The following NRXN3 variants were observed in gnomAD, a reference collection of about 807,000 sequenced individuals.
The protein encoded by NRXN3 is neurexin III.
In NRXN3, 32 loss-of-function variants were observed where a neutral mutation model predicts 137.6. The observed-to-expected ratio is 0.23, with a 90% CI of 0.18 to 0.31. NRXN3 has a LOEUF of 0.31. NRXN3 is among the 10% of genes least tolerant of loss of function. NRXN3 has a pLI of 1.00. For synonymous variants in NRXN3, 798 were observed against 784.5 expected, an observed-to-expected ratio of 1.02 and a Z score of -0.29; for missense variants, 1,574 against 2,062.5, an observed-to-expected ratio of 0.76 and a Z score of 4.59.
intron 10 of NRXN3, among the ~76,000 whole-genome samples, chr14:78,885,594 T>C (rs1428352694): frequency 6.6e-6 from 1 of 152,146 alleles, no homozygotes; most frequent in East Asian, 1.9e-4. Context: ...ATTTGTATGA[T>C]GTCATCAGCA....
chr14:79,504,665 A>ATATATATATATC, intron 16 of NRXN3, among the ~76,000 whole-genome samples: 1 of 143,226 alleles, frequency 7.0e-6, no homozygotes, highest in South Asian at 2.2e-4. Context: ...GTATATATAT[A>ATATATATATATC]TATATATATA....
In NRXN3 at chr14:78,635,048, C is replaced by T. The variant is rs561433004; in HGVS notation, c.758-10072C>T. ...TGTTTTAGGATCAGAAAGCATTTGG[C>T]TCCTAAAATATCTGTAGGAAGTTTC... On this transcript the variant is annotated intron_variant, in intron 4 of 20. Coordinates refer to ENST00000335750, the MANE Select transcript of NRXN3 (RefSeq NM_001330195.2). Among the ~76,000 whole-genome samples the T allele has an allele frequency of 2.6e-5, 4 of 152,280 alleles. No homozygotes were observed. In the South Asian group the frequency reaches 8.3e-4, roughly 32 times the overall value.
intron 4 of NRXN3, among the ~76,000 whole-genome samples, chr14:78,597,319 A>G (rs989301081): frequency 9.2e-5 from 14 of 152,242 alleles, no homozygotes; most frequent in Non-Finnish European, 1.3e-4. Flanking sequence ...TTAAGAGAAA[A>G]TATTTTCGTT....
chr14:78,909,876 CTATT>C (rs572922723), intron 10 of NRXN3, among the ~76,000 whole-genome samples: 67 of 152,152 alleles, frequency 4.4e-4, no homozygotes, highest in African/African-American at 1.5e-3. Flanking sequence ...GTTTATCTAT[CTATT>C]TATCTGTCAA....
At chr14:79,433,022 T>C (rs2153556178) in intron 15 of NRXN3, among the ~76,000 whole-genome samples, 1 of 152,318 alleles carries the variant, frequency 6.6e-6, no homozygotes, top group East Asian at 1.9e-4. Context: ...TTGTTACCTT[T>C]TGGTTTTCCC....
At chr14:79,690,219 T>A (rs1283321847) in intron 17 of NRXN3, among the ~76,000 whole-genome samples, 1 of 145,898 alleles carries the variant, frequency 6.9e-6, no homozygotes, top group Non-Finnish European at 1.5e-5. Flanking sequence ...TTCAAAAAGG[T>A]ACACGTTCTT....
intron 15 of NRXN3, among the ~76,000 whole-genome samples, chr14:79,160,583 C>T (rs951094568): frequency 1.3e-5 from 2 of 151,800 alleles, no homozygotes; most frequent in African/African-American, 4.8e-5. Context: ...TGCACATGTT[C>T]GTGTTGAGTA....
At chr14:79,140,073 A>T (rs1313495896) in intron 15 of NRXN3, among the ~76,000 whole-genome samples, 1 of 152,030 alleles carries the variant, frequency 6.6e-6, no homozygotes, top group African/African-American at 2.4e-5. Flanking sequence ...ATTTTTGAAG[A>T]CAATAAAATT....
intron 8 of NRXN3, among the ~76,000 whole-genome samples, chr14:78,724,822 A>T (rs888357449): frequency 3.9e-5 from 6 of 152,162 alleles, no homozygotes; most frequent in African/African-American, 1.4e-4. Flanking sequence ...TTTCTGTTTC[A>T]TCACTTATCC....
chr14:78,941,492 C>A (rs1250140577), intron 10 of NRXN3, among the ~76,000 whole-genome samples: 1 of 152,166 alleles, frequency 6.6e-6, no homozygotes, highest in African/African-American at 2.4e-5. Context: ...GTTCCTCTAC[C>A]CCTTTGTTTT....
At chr14:78,698,820 A>T (rs1259913914) in intron 6 of NRXN3, among the ~76,000 whole-genome samples, 6 of 152,064 alleles carry the variant, frequency 3.9e-5, no homozygotes. Context: ...AACTCTACTA[A>T]ATATTCAGTG....
chr14:78,687,761 G>A (rs2098136396), intron 6 of NRXN3, among the ~76,000 whole-genome samples: 1 of 152,176 alleles, frequency 6.6e-6, no homozygotes, highest in South Asian at 2.1e-4. Context: ...CCCTGGGAGT[G>A]ATTAAGCATT....
intron 15 of NRXN3, among the ~76,000 whole-genome samples, chr14:79,023,449 T>C (rs1337128109): frequency 1.3e-5 from 2 of 151,232 alleles, no homozygotes; most frequent in African/African-American, 2.4e-5. Context: ...AAAGAAAGAG[T>C]GGGGCAGGGA....
intron 1 of NRXN3, among the ~76,000 whole-genome samples, chr14:78,179,814 TTTTTTTTTTGTTTGTTTCTGTTTTTTTG>T: frequency 2.0e-5 from 1 of 51,146 alleles, no homozygotes; most frequent in Non-Finnish European, 4.1e-5. Context: ...TTCTTTGTTT[TTTTTTTTTTGTTTGTTTCTGTTTTTTTG>T]TTTTTTTTTT....
At chr14:79,227,661 A>G (rs530025345) in intron 15 of NRXN3, among the ~76,000 whole-genome samples, 4 of 151,822 alleles carry the variant, frequency 2.6e-5, no homozygotes, top group South Asian at 2.1e-4. Context: ...GTATTCTGAT[A>G]GGGCCACTTT....
intron 4 of NRXN3, among the ~76,000 whole-genome samples, chr14:78,418,203 C>T (rs545472221): frequency 1.8e-4 from 28 of 152,288 alleles, no homozygotes; most frequent in East Asian, 1.7e-3. Context: ...GTTAGCATTA[C>T]GTGAGAAATT....
intron 2 of NRXN3, 62 bp from the exon 3 acceptor site, chr14:78,278,583 T>C: frequency 7.6e-7 from 1 of 1,316,728 alleles, no homozygotes; most frequent in Non-Finnish European, 1.1e-6. Flanking sequence ...AACACTCTTC[T>C]TCCTTTTTCT....
chr14:79,412,782 C>CAAAAAAAAAAA lies in NRXN3; in HGVS notation c.3263-54424_3263-54414dup, dbSNP rs71103803. 3.3e-5 allele frequency among the ~76,000 whole-genome samples: 2 copies of CAAAAAAAAAAA among 59,734 alleles called. 1 individual carries two copies. Among genetic ancestry groups the CAAAAAAAAAAA allele is most frequent in the Non-Finnish European group, 5.9e-5 (2 of 33,736 alleles). 39.2% of individuals were successfully genotyped at this position (59,734 alleles called of 152,430 possible). A position where few individuals can be genotyped will look rare whatever the true frequency, so the allele number is the denominator to read the frequency against. ...TGGGTGACAGAGCAAGACTCTGTCTCAAAAAAAAAAAAAAAAAAAAAAAAA... is the reference window on the plus strand; with the variant it reads ...TGGGTGACAGAGCAAGACTCTGTCTCAAAAAAAAAAAAAAAAAAAAAAAAAAAAAAAAAAAA... On this transcript the variant is annotated intron_variant, in intron 15 of 20. Transcript: ENST00000335750.
rs1555750670 is a variant in NRXN3, at chr14:79,808,255, A to ATAT, written c.4093+3065_4093+3066insTAT. ...CTCTCTCAATTAAAAAAAAAAAAAA[A>ATAT]ATATATATATATATATATATGTATG... On this transcript the variant is annotated intron_variant, in intron 20 of 20. Coordinates refer to ENST00000335750, the MANE Select transcript of NRXN3 (RefSeq NM_001330195.2). 7.3e-3 allele frequency among the ~76,000 whole-genome samples: 906 copies of ATAT among 123,892 alleles called. 4 individuals are homozygous for ATAT. The highest frequency in any genetic ancestry group is 0.012 in the Admixed American group (144 of 12,122). The allele number at this position is 123,892 out of a possible 152,430, so 81.3% of individuals were successfully genotyped here.
Sources: gnomAD v4.1 joint callset for allele counts (sites outside exome capture counted in the v4.1 genomes callset) on GRCh38, gnomAD v4.1.1 for gene constraint, MANE v1.5 for transcripts, NCBI Gene and HGNC (gene_info 2026-07-23, HGNC 2026-07-21) for gene names.